TTBK2: variants seen among roughly 807,000 people sequenced by gnomAD.
TTBK2 encodes tau tubulin kinase 2.
In TTBK2, 28 loss-of-function variants were observed where a neutral mutation model predicts 110.8. That is an observed-to-expected ratio of 0.25 (90% CI 0.19 to 0.35). The LOEUF (loss-of-function observed/expected upper bound fraction) is 0.35. TTBK2 is among the 10% of genes least tolerant of loss of function. The pLI is 1.00. For missense variants in TTBK2, 1,369 were observed against 1,500.3 expected, an observed-to-expected ratio of 0.91 and a Z score of 1.45; for synonymous variants, 532 against 527.3, an observed-to-expected ratio of 1.01 and a Z score of -0.12.
rs187607073 is a variant in TTBK2 at position 42,797,825 on chromosome 15, G to A, written c.823-3024C>T. Among the ~76,000 whole-genome samples the A allele has an allele frequency of 4.7e-3, 717 of 151,856 alleles. 11 individuals are homozygous for A. Among genetic ancestry groups the A allele is most frequent in the African/African-American group, 0.016 (681 of 41,480 alleles). On this transcript the variant is annotated intron_variant, in intron 9 of 14. Transcript: ENST00000267890. ...TACATGTCTGTGTATATATATATAT[G>A]TGTGTGCCTGTTAAATTTGAATAGT...
At position 42,849,461 on chromosome 15, in the gene TTBK2, C is replaced by A. The variant is rs181522367; in HGVS notation, c.218-9028G>T. ...TGATCCTAGCATTGGCATCTATGTT[C>A]TATCTTTTTCTATATGAATTCAGAT... On this transcript the variant is annotated intron_variant, in intron 3 of 14. Transcript: ENST00000267890. Among the ~76,000 whole-genome samples the A allele has an allele frequency of 2.2e-3, 341 of 152,194 alleles. 1 individual carries two copies. Among genetic ancestry groups the A allele is most frequent in the African/African-American group, 8.0e-3 (332 of 41,538 alleles).
intron 5 of TTBK2, among the ~76,000 whole-genome samples, 174 bp from the exon 6 acceptor site, chr15:42,828,206 T>C (rs1319306796): frequency 1.3e-5 from 2 of 152,116 alleles, no homozygotes; most frequent in East Asian, 3.9e-4. Flanking sequence ...TAGTTTTGGG[T>C]TCTATTAGTG....
intron 7 of TTBK2, among the ~76,000 whole-genome samples, chr15:42,814,804 C>T (rs1891873354): frequency 6.6e-6 from 1 of 152,086 alleles, no homozygotes; most frequent in Non-Finnish European, 1.5e-5. Context: ...GCATTCTACC[C>T]CTCAGGTGTG....
rs1364256764 is a variant in TTBK2 at position 42,753,129 on chromosome 15, G to C, written c.2117C>G (p.Ser706Cys). The C allele has an allele frequency of 3.8e-6, 6 of 1,598,296 alleles. No homozygotes were observed. In the African/African-American group the frequency reaches 8.1e-5, roughly 22 times the overall value. ...QPMEPTVELYSPRENFSGLVV... is the reference protein window; with the variant it reads ...QPMEPTVELYCPRENFSGLVV... ...CAAGCCAGAGAAGTTTTCCCTTGGA[G>C]AGTAAAGTTCCACAGTGGGCTCCAT... Residue 706 changes from serine to cysteine, a missense_variant, in exon 14 of 15, where the codon TCT (serine) becomes TGT (cysteine). Coordinates refer to ENST00000267890, the MANE Select transcript of TTBK2 (RefSeq NM_173500.4).
rs751131823 is a variant in TTBK2, at chr15:42,752,386, A to G, written c.2860T>C (p.Ser954Pro). The G allele has an allele frequency of 5.6e-6, 9 of 1,614,174 alleles. No homozygotes were observed. Among genetic ancestry groups the G allele is most frequent in the Non-Finnish European group, 7.6e-6 (9 of 1,180,040 alleles). The change falls in exon 14 of 15, where the codon TCA (serine) becomes CCA (proline). Residue 954 changes from serine to proline, a missense_variant. Ser to Pro is a moderately conservative substitution (Grantham distance 74). Coordinates refer to ENST00000267890, the MANE Select transcript of TTBK2 (RefSeq NM_173500.4). ...RIPVLAQEID[S>P]TLESSSPVSA... is the part of the protein sequence containing the mutation. Reference sequence around the variant, plus strand: ...ACTGGAGAGGATGATTCCAAAGTTGAGTCTATCTCTTGTGCTAAAACAGGG... The same window carrying G: ...ACTGGAGAGGATGATTCCAAAGTTGGGTCTATCTCTTGTGCTAAAACAGGG...
Position 42,811,665 on chromosome 15 carries a change from G to A in TTBK2, c.696+23C>T, listed in dbSNP as rs1422991699. ...AATTTTTATTTCTTCTACCACAATTGACATCTCCATTCCCAAAATTACCTT... is the reference window on the plus strand; with the variant it reads ...AATTTTTATTTCTTCTACCACAATTAACATCTCCATTCCCAAAATTACCTT... On this transcript the variant is annotated intron_variant, in intron 8 of 14. Coordinates refer to ENST00000267890, the MANE Select transcript of TTBK2 (RefSeq NM_173500.4). 3 of 1,592,900 alleles carry A rather than the reference G, an allele frequency of 1.9e-6. No homozygotes were observed. The Admixed American group carries it at 5.0e-5, about 27-fold the overall frequency.
intron 9 of TTBK2, among the ~76,000 whole-genome samples, chr15:42,806,752 T>G (rs1247987768): frequency 6.6e-6 from 1 of 152,210 alleles, no homozygotes; most frequent in African/African-American, 2.4e-5. Flanking sequence ...TAACCCAGGA[T>G]GGCTTTGAAT....
intron 6 of TTBK2, among the ~76,000 whole-genome samples, chr15:42,820,338 C>T (rs1438699274): frequency 2.0e-5 from 3 of 152,048 alleles, no homozygotes; most frequent in Admixed American, 6.5e-5. Flanking sequence ...TATAAACACT[C>T]GGGACAGGTA....
intron 13 of TTBK2, among the ~76,000 whole-genome samples, chr15:42,763,141 T>TACATATATATATAC (rs1567008644): frequency 1.2e-3 from 100 of 80,528 alleles, no homozygotes; most frequent in Non-Finnish European, 1.6e-3. Flanking sequence ...CATATATACA[T>TACATATATATATAC]ACATATATAT....
chr15:42,840,533 A>G (rs1322699851), intron 3 of TTBK2, 100 bp from the exon 4 acceptor site: 9 of 1,067,116 alleles, frequency 8.4e-6, no homozygotes, highest in Non-Finnish European at 1.2e-5. Context: ...TTGAATATAA[A>G]ATACATCTTG....
intron 13 of TTBK2, among the ~76,000 whole-genome samples, chr15:42,759,145 G>A (rs1303559957): frequency 6.6e-6 from 1 of 152,226 alleles, no homozygotes; most frequent in Non-Finnish European, 1.5e-5. Context: ...CTGGGCTCAG[G>A]ATCAGCTGTG....
intron 6 of TTBK2, among the ~76,000 whole-genome samples, chr15:42,822,878 T>C (rs988189156): frequency 1.3e-5 from 2 of 151,992 alleles, no homozygotes; most frequent in African/African-American, 2.4e-5. Context: ...GCAGTGTGAA[T>C]GTAAAGGAGG....
rs377208670 is a variant in TTBK2 at position 42,801,300 on chromosome 15, C to G, written c.823-6499G>C. 1.3e-4 allele frequency: 200 copies of G among 1,533,498 alleles called. 3 individuals carry two copies. In the African/African-American group the frequency reaches 2.3e-3, roughly 18 times the overall value. The allele number at this position is 1,533,498 out of a possible 1,614,324, so 95.0% of individuals were successfully genotyped here. ...GACGTTCATCAGCTCCTGGTACTCA[C>G]GCAGCTGCCGCGCCATGTCTTGACT... On this transcript the variant is annotated intron_variant, in intron 9 of 14. Coordinates refer to ENST00000267890, the MANE Select transcript of TTBK2 (RefSeq NM_173500.4).
In TTBK2 at chr15:42,833,133, C is replaced by CA. The variant is rs34822264; in HGVS notation, c.292-3056dup. 5.9e-3 allele frequency among the ~76,000 whole-genome samples: 822 copies of CA among 139,740 alleles called. 14 individuals are homozygous for CA. In the East Asian group the frequency reaches 0.064, roughly 11 times the overall value. The allele number at this position is 139,740 out of a possible 152,430, so 91.7% of individuals were successfully genotyped here. On this transcript the variant is annotated intron_variant, in intron 4 of 14. Coordinates refer to ENST00000267890, the MANE Select transcript of TTBK2 (RefSeq NM_173500.4). ...TACCTGGGTGATGTAATATTACATA[C>CA]AAAAAAAAACCCATGACACATGTTT...
intron 1 of TTBK2, among the ~76,000 whole-genome samples, chr15:42,909,492 T>C (rs927399307): frequency 1.3e-5 from 2 of 152,090 alleles, no homozygotes; most frequent in Admixed American, 1.3e-4. Flanking sequence ...TCAAGGAAAA[T>C]CCTCCTCTCG....
chr15:42,896,795 CA>C (rs560635888), intron 1 of TTBK2, among the ~76,000 whole-genome samples: 1 of 150,718 alleles, frequency 6.6e-6, no homozygotes. Flanking sequence ...ACCCTGTCTC[CA>C]AAAAAATAAA....
Position 42,827,916 on chromosome 15 carries a change from G to GA in TTBK2, c.537+11dup, listed in dbSNP as rs1893534560. The GA allele has an allele frequency of 2.5e-6, 4 of 1,604,084 alleles. No individual in the cohort carries two copies. Among genetic ancestry groups the GA allele is most frequent in the Non-Finnish European group, 2.6e-6 (3 of 1,171,750 alleles). ...ATTATCAAATATTTGATAATAATATGAAAAATCTTACTGGTCTGACGTCAC... is the reference window on the plus strand; with the variant it reads ...ATTATCAAATATTTGATAATAATATGAAAAAATCTTACTGGTCTGACGTCAC... On this transcript the variant is annotated intron_variant, in intron 6 of 14. Transcript: ENST00000267890.
intron 1 of TTBK2, among the ~76,000 whole-genome samples, chr15:42,911,392 A>T (rs1055237661): frequency 2.0e-5 from 3 of 152,174 alleles, no homozygotes; most frequent in Non-Finnish European, 2.9e-5. Context: ...GCTTGAGCCC[A>T]GTAGTTTAAA....
Position 42,891,216 on chromosome 15 carries a change from G to A in TTBK2, c.-67-12532C>T, listed in dbSNP as rs114969207. Reference sequence around the variant, plus strand: ...TTTTAAGAGATGGGGTCTCACTGTCGCCCCGGCTGGAGTGCAGTGGTGCAA... The same window carrying A: ...TTTTAAGAGATGGGGTCTCACTGTCACCCCGGCTGGAGTGCAGTGGTGCAA... On this transcript the variant is annotated intron_variant, in intron 1 of 14. Coordinates refer to ENST00000267890, the MANE Select transcript of TTBK2 (RefSeq NM_173500.4). Among the ~76,000 whole-genome samples, 1,004 of 131,984 alleles carry A rather than the reference G, an allele frequency of 7.6e-3. 13 individuals are homozygous for A. Among genetic ancestry groups the A allele is most frequent in the African/African-American group, 0.028 (959 of 34,490 alleles). The allele number at this position is 131,984 out of a possible 152,430, so 86.6% of individuals were successfully genotyped here. A position where few individuals can be genotyped will look rare whatever the true frequency, so the allele number is the denominator to read the frequency against.
Sources: gnomAD v4.1 joint callset for allele counts (sites outside exome capture counted in the v4.1 genomes callset) on GRCh38, gnomAD v4.1.1 for gene constraint, MANE v1.5 for transcripts, NCBI Gene and HGNC (gene_info 2026-07-23, HGNC 2026-07-21) for gene names.